The following PCDHA8 variants were observed in gnomAD, a reference collection of about 807,000 sequenced individuals.
PCDHA8 encodes the protein protocadherin alpha-8.
In PCDHA8, 53 loss-of-function variants were observed where a neutral mutation model predicts 61.8. The observed-to-expected ratio is 0.86, with a 90% CI of 0.69 to 1.08. The LOEUF is 1.08. Ranked by LOEUF, PCDHA8 falls within the 50% of genes least tolerant of loss-of-function variation. The pLI, the probability that PCDHA8 is intolerant of heterozygous loss-of-function variation, is 0.00. For missense variants in PCDHA8, 1,293 were observed against 1,245.0 expected (o/e 1.04, Z -0.58); for synonymous variants, 618 against 556.6 (o/e 1.11, Z -1.55).
intron 1 of PCDHA8, chr5:140,871,176 G>T: frequency 6.2e-7 from 1 of 1,613,534 alleles, no homozygotes; most frequent in African/African-American, 1.3e-5. Context: ...CAGAGGCTGC[G>T]CTGGTGGATG....
chr5:140,969,636 T>C (rs2096349824), intron 1 of PCDHA8: 1 of 212,100 alleles, frequency 4.7e-6, no homozygotes, highest in Non-Finnish European at 8.1e-6. Context: ...GGACAGGCCT[T>C]GGAATAGGGA....
At chr5:140,998,056 C>T (rs1162882949) in intron 3 of PCDHA8, among the ~76,000 whole-genome samples, 1 of 152,160 alleles carries the variant, frequency 6.6e-6, no homozygotes, top group Non-Finnish European at 1.5e-5. Context: ...GTGACATCAT[C>T]ATCAACAGAC....
At chr5:140,863,278 G>A (rs1554158055) in intron 1 of PCDHA8, 3 of 1,461,976 alleles carry the variant, frequency 2.1e-6, no homozygotes, top group South Asian at 1.1e-5. Flanking sequence ...GCTGGTGGAT[G>A]TCAACGTGTA....
chr5:141,006,948 A>G (rs1432589918), intron 3 of PCDHA8, among the ~76,000 whole-genome samples: 3 of 152,194 alleles, frequency 2.0e-5, no homozygotes, highest in African/African-American at 7.2e-5. Flanking sequence ...CCAGATAGGC[A>G]GTTATACATG....
intron 1 of PCDHA8, among the ~76,000 whole-genome samples, chr5:140,949,891 T>G (rs2094429972): frequency 6.6e-6 from 1 of 151,864 alleles, no homozygotes; most frequent in African/African-American, 2.4e-5. Context: ...TTCCTCAGAA[T>G]CTCTTTTAAT....
chr5:140,853,840 A>G, intron 1 of PCDHA8: 1 of 986,846 alleles, frequency 1.0e-6, no homozygotes, highest in Non-Finnish European at 1.2e-6. Flanking sequence ...GAAATTTTAG[A>G]TCCATAGCCC....
At chr5:140,909,519 T>C (rs975700982) in intron 1 of PCDHA8, among the ~76,000 whole-genome samples, 4 of 152,214 alleles carry the variant, frequency 2.6e-5, no homozygotes, top group Non-Finnish European at 4.4e-5. Context: ...TCACAACCCC[T>C]GCACATTTTG....
Position 141,009,661 on chromosome 5 carries a change from T to G in PCDHA8, c.2577T>G (p.Gly859=), listed in dbSNP as rs1554262260. ...PEAGEVSPPV[G]AGVNSNSWTF... ...CAGGAGAAGTGTCCCCTCCAGTCGG[T>G]GCGGGTGTCAACAGCAACAGCTGGA... The change falls in exon 4 of 4, where the codon GGT becomes GGG. Residue 859 remains glycine (G), a synonymous_variant. Coordinates refer to ENST00000531613, the MANE Select transcript of PCDHA8 (RefSeq NM_018911.3). 1 of 1,614,030 alleles carries G rather than the reference T, an allele frequency of 6.2e-7. No homozygotes were observed.
In PCDHA8 at chr5:140,841,865, G is replaced by A; in HGVS notation, c.544G>A (p.Val182Met). 6.2e-7 allele frequency: 1 copy of A among 1,613,856 alleles called. No homozygotes were observed. The highest frequency in any genetic ancestry group is 8.5e-7 in the Non-Finnish European group (1 of 1,179,838). The change falls in exon 1 of 4, where the codon GTG (valine) becomes ATG (methionine). Residue 182 changes from valine to methionine, a missense_variant. Val to Met is a conservative substitution (Grantham distance 21). Transcript: ENST00000531613. ...LSSHDYFMLD[V>M]NSKNDENKLV... is the part of the protein sequence containing the mutation. ...CTCTCATGATTACTTCATGCTAGAT[G>A]TGAATTCAAAGAACGATGAGAATAA...
At chr5:140,884,115 T>C (rs782303871) in intron 1 of PCDHA8, 2 of 1,613,170 alleles carry the variant, frequency 1.2e-6, no homozygotes, top group African/African-American at 2.7e-5. Context: ...CTGGCGGCGG[T>C]CGGCGCGCGC....
At chr5:140,850,162 T>C in intron 1 of PCDHA8, 2 of 1,595,026 alleles carry the variant, frequency 1.3e-6, no homozygotes, top group Non-Finnish European at 1.7e-6. Context: ...GTGTTCGTGC[T>C]GGACGAGAAC....
In PCDHA8 at chr5:140,863,500, T is replaced by C. The variant is rs536977258; in HGVS notation, c.2394+19785T>C. On this transcript the variant is annotated intron_variant, in intron 1 of 3. Coordinates refer to ENST00000531613, the MANE Select transcript of PCDHA8 (RefSeq NM_018911.3). ...CCTCCCAAGGTCAACATTACGGCTT[T>C]TAGTCCTAGTGTTCTCCCATGGTTC... 36 of 432,458 alleles carry C rather than the reference T, an allele frequency of 8.3e-5. 2 individuals are homozygous for C. Among genetic ancestry groups the C allele is most frequent in the South Asian group, 5.0e-4 (28 of 55,804 alleles). 26.8% of individuals were successfully genotyped at this position (432,458 alleles called of 1,614,324 possible).
chr5:140,918,425 T>A (rs1402096329), intron 1 of PCDHA8, among the ~76,000 whole-genome samples: 1 of 152,200 alleles, frequency 6.6e-6, no homozygotes, highest in Non-Finnish European at 1.5e-5. Flanking sequence ...TCCAGTAGGA[T>A]GTTGAATAGG....
chr5:140,868,199 A>G (rs1367327575), intron 1 of PCDHA8: 2 of 152,150 alleles, frequency 1.3e-5, no homozygotes, highest in East Asian at 1.9e-4. Flanking sequence ...TATGGCTTAC[A>G]TTAGAAATAA....
At chr5:140,870,544 G>A in intron 1 of PCDHA8, 1 of 1,614,124 alleles carries the variant, frequency 6.2e-7, no homozygotes, top group South Asian at 1.1e-5. Context: ...GGCGCGGGAC[G>A]CGGACGCGCA....
At chr5:140,970,585 T>G (rs1554232585) in intron 1 of PCDHA8, among the ~76,000 whole-genome samples, 2 of 152,244 alleles carry the variant, frequency 1.3e-5, no homozygotes, top group Non-Finnish European at 2.9e-5. Context: ...ATAACAGAGA[T>G]ATGCTTTGTG....
At chr5:141,007,395 C>CAAAA (rs35800918) in intron 3 of PCDHA8, among the ~76,000 whole-genome samples, 7 of 94,852 alleles carry the variant, frequency 7.4e-5, no homozygotes, top group East Asian at 2.9e-4. Context: ...TACTAAAATA[C>CAAAA]AAAAAAAAAA....
At chr5:140,882,909 C>A in intron 1 of PCDHA8, 2 of 1,614,172 alleles carry the variant, frequency 1.2e-6, no homozygotes, top group Non-Finnish European at 1.7e-6. Context: ...TTACTGACAG[C>A]CAGTGATGGA....
intron 1 of PCDHA8, chr5:140,859,978 C>T (rs1554152894): frequency 6.6e-6 from 1 of 151,802 alleles, no homozygotes. Context: ...TATACAAGTG[C>T]ATTAATCTCT....
Sources: allele counts gnomAD v4.1 joint callset (sites outside exome capture counted in the v4.1 genomes callset), GRCh38; gene constraint gnomAD v4.1.1; transcripts MANE v1.5; gene names NCBI Gene and HGNC (gene_info 2026-07-23, HGNC 2026-07-21).